DISC1: variants seen among roughly 807,000 people sequenced by gnomAD.
DISC1 encodes the protein DISC1 scaffold protein, also known as disrupted in schizophrenia 1 protein.
Under a neutral mutation model 84.5 loss-of-function variants are expected in DISC1, and 57 were observed. That is an observed-to-expected ratio of 0.67 (90% CI 0.55 to 0.84). The LOEUF is 0.84. Among genes scored for constraint, DISC1 ranks in the 40% least tolerant of loss-of-function variants. The pLI is 0.00. For missense variants in DISC1, 1,000 were observed against 1,057.8 expected (o/e 0.95, Z 0.76); for synonymous variants, 411 against 415.2 (o/e 0.99, Z 0.12).
chr1:232,006,414 G>A (rs193087693), intron 10 of DISC1, among the ~76,000 whole-genome samples: 148 of 152,126 alleles, frequency 9.7e-4, no homozygotes, highest in African/African-American at 3.5e-3. Flanking sequence ...AACTTGTTGG[G>A]AACTGGAGCA....
chr1:231,969,186 GTTTTTTTTTTT>G (rs71573149), intron 10 of DISC1, among the ~76,000 whole-genome samples: 1 of 91,672 alleles, frequency 1.1e-5, no homozygotes, highest in Admixed American at 1.4e-4. Flanking sequence ...ACACTCAGCG[GTTTTTTTTTTT>G]TTTTTTTTTT....
At chr1:231,878,827 C>T (rs1481399638) in intron 9 of DISC1, among the ~76,000 whole-genome samples, 1 of 152,154 alleles carries the variant, frequency 6.6e-6, no homozygotes, top group African/African-American at 2.4e-5. Context: ...TGACTGGTAA[C>T]AACACTAGGT....
At chr1:231,948,597 A>G (rs1000951918) in intron 9 of DISC1, among the ~76,000 whole-genome samples, 5 of 151,168 alleles carry the variant, frequency 3.3e-5, no homozygotes, top group African/African-American at 4.9e-5. Flanking sequence ...TAGAACTTAA[A>G]GTATAATTAA....
At chr1:231,711,017 T>C (rs1447772982) in intron 3 of DISC1, among the ~76,000 whole-genome samples, 3 of 152,214 alleles carry the variant, frequency 2.0e-5, no homozygotes, top group African/African-American at 7.2e-5. Context: ...AGACATTTGA[T>C]TGAAACTTTT....
intron 8 of DISC1, among the ~76,000 whole-genome samples, chr1:231,812,594 T>C (rs1173997806): frequency 6.6e-6 from 1 of 152,196 alleles, no homozygotes; most frequent in African/African-American, 2.4e-5. Flanking sequence ...TTAAAAAACC[T>C]ATGAGAATAC....
At chr1:231,666,938 G>C (rs963843867) in intron 1 of DISC1, among the ~76,000 whole-genome samples, 3 of 152,072 alleles carry the variant, frequency 2.0e-5, no homozygotes, top group African/African-American at 7.2e-5. Flanking sequence ...AACCCTCTGG[G>C]CTTCCTGGAA....
At chr1:231,870,058 G>C (rs962033164) in intron 9 of DISC1, among the ~76,000 whole-genome samples, 4 of 152,122 alleles carry the variant, frequency 2.6e-5, no homozygotes, top group African/African-American at 9.7e-5. Flanking sequence ...AGAGTACGGG[G>C]GTCCTAGAGA....
At chr1:231,790,949 C>T (rs2078302324) in intron 6 of DISC1, among the ~76,000 whole-genome samples, 1 of 152,184 alleles carries the variant, frequency 6.6e-6, no homozygotes, top group South Asian at 2.1e-4. Context: ...ACTGGGGATT[C>T]GGACTCCAAC....
At chr1:232,017,130 G>T (rs186979596) in intron 11 of DISC1, among the ~76,000 whole-genome samples, 3 of 152,214 alleles carry the variant, frequency 2.0e-5, no homozygotes, top group Admixed American at 2.0e-4. Flanking sequence ...AAACCATATC[G>T]CATTCCTGAA....
At chr1:231,873,072 C>G (rs2085583342) in intron 9 of DISC1, among the ~76,000 whole-genome samples, 1 of 152,198 alleles carries the variant, frequency 6.6e-6, no homozygotes, top group Admixed American at 6.5e-5. Context: ...GCCTGATGTC[C>G]TTTCTGTGCA....
intron 9 of DISC1, among the ~76,000 whole-genome samples, chr1:231,915,474 G>A (rs1214989478): frequency 6.6e-6 from 1 of 152,200 alleles, no homozygotes; most frequent in Non-Finnish European, 1.5e-5. Flanking sequence ...TGTATTCTGG[G>A]AAGCTCGGCT....
At chr1:231,715,523 C>T (rs2068571136) in intron 3 of DISC1, among the ~76,000 whole-genome samples, 1 of 152,190 alleles carries the variant, frequency 6.6e-6, no homozygotes, top group Non-Finnish European at 1.5e-5. Flanking sequence ...TTGTCTCTGA[C>T]TGTGGCTGTT....
intron 9 of DISC1, among the ~76,000 whole-genome samples, chr1:231,828,300 T>G (rs2082000064): frequency 6.6e-6 from 1 of 152,220 alleles, no homozygotes; most frequent in African/African-American, 2.4e-5. Context: ...TCTACTTTGC[T>G]TCGTATGTAC....
At chr1:231,725,280 T>C (rs1440386018) in intron 3 of DISC1, among the ~76,000 whole-genome samples, 2 of 152,194 alleles carry the variant, frequency 1.3e-5, no homozygotes, top group African/African-American at 4.8e-5. Flanking sequence ...TTATTTTGTG[T>C]TCACAAGCCT....
At chr1:231,967,094 A>G (rs570094437) in intron 10 of DISC1, among the ~76,000 whole-genome samples, 1 of 152,334 alleles carries the variant, frequency 6.6e-6, no homozygotes, top group East Asian at 1.9e-4. Context: ...TTACTTTTTA[A>G]TTATTAAAAT....
At chr1:231,861,696 C>G (rs553313343) in intron 9 of DISC1, among the ~76,000 whole-genome samples, 67 of 152,140 alleles carry the variant, frequency 4.4e-4, no homozygotes, top group Non-Finnish European at 7.6e-4. Flanking sequence ...AAGGTCAGAC[C>G]ACAGCATGTA....
intron 9 of DISC1, among the ~76,000 whole-genome samples, chr1:231,824,040 T>C (rs1268745019): frequency 6.6e-6 from 1 of 152,196 alleles, no homozygotes; most frequent in Middle Eastern, 3.2e-3. Flanking sequence ...ATTTCTGACA[T>C]TATTTCAAGA....
Position 231,916,191 on chromosome 1 carries a change from C to T in DISC1, c.1982-42637C>T, listed in dbSNP as rs199517799. Among the ~76,000 whole-genome samples, 16 of 152,262 alleles carry T rather than the reference C, an allele frequency of 1.1e-4. 1 individual carries two copies. Among genetic ancestry groups the T allele is most frequent in the African/African-American group, 2.9e-4 (12 of 41,558 alleles). On this transcript the variant is annotated intron_variant, in intron 9 of 12. Transcript: ENST00000439617. ...AACTTGGGGGGCTTTGTAGCATCAA[C>T]GGGTCAGAATTTCTTAGAGGCATTC...
chr1:231,896,216 G>T (rs2087677537), intron 9 of DISC1, among the ~76,000 whole-genome samples: 1 of 152,152 alleles, frequency 6.6e-6, no homozygotes, highest in East Asian at 1.9e-4. Context: ...TTAGGGAATG[G>T]TCATGAGAGT....
Sources: allele counts gnomAD v4.1 joint callset (sites outside exome capture counted in the v4.1 genomes callset), GRCh38; gene constraint gnomAD v4.1.1; transcripts MANE v1.5; gene names NCBI Gene and HGNC (gene_info 2026-07-23, HGNC 2026-07-21).